Variants in ST6GALNAC3 observed in about 807,000 individuals in gnomAD.
ST6GALNAC3 encodes ST6 N-acetylgalactosaminide alpha-2,6-sialyltransferase 3, also known as alpha-N-acetylgalactosaminide alpha-2,6-sialyltransferase 3.
ST6GALNAC3 carries 25 observed loss-of-function variants against 32.7 expected under a neutral mutation model. The ratio of observed to expected loss-of-function variants is 0.76; its 90% CI spans 0.56 to 1.07. ST6GALNAC3 has a LOEUF of 1.07. ST6GALNAC3 is among the 50% of genes least tolerant of loss of function. The pLI, the probability that ST6GALNAC3 is intolerant of heterozygous loss-of-function variation, is 0.00. For missense variants in ST6GALNAC3, 355 were observed against 382.4 expected, an observed-to-expected ratio of 0.93 and a Z score of 0.60; for synonymous variants, 129 against 133.1, an observed-to-expected ratio of 0.97 and a Z score of 0.21.
intron 1 of ST6GALNAC3, among the ~76,000 whole-genome samples, chr1:76,209,355 T>A (rs1171901568): frequency 6.6e-6 from 1 of 152,178 alleles, no homozygotes; most frequent in African/African-American, 2.4e-5. Flanking sequence ...TATCAGAGCA[T>A]CTCATATGGT....
chr1:76,112,442 G>A (rs1241711486), intron 1 of ST6GALNAC3, among the ~76,000 whole-genome samples: 56 of 146,688 alleles, frequency 3.8e-4, no homozygotes, highest in African/African-American at 1.3e-3. Context: ...CCTCCCTTCC[G>A]GACGGGGCGG....
chr1:76,148,115 T>C (rs955676409), intron 1 of ST6GALNAC3, among the ~76,000 whole-genome samples: 1 of 152,306 alleles, frequency 6.6e-6, no homozygotes, highest in Admixed American at 6.5e-5. Context: ...AACCCAACAT[T>C]GTGCTTCCAG....
chr1:76,115,714 A>G (rs1031774764), intron 1 of ST6GALNAC3, among the ~76,000 whole-genome samples: 4 of 152,070 alleles, frequency 2.6e-5, no homozygotes, highest in Non-Finnish European at 5.9e-5. Flanking sequence ...AGCATCCCTT[A>G]TGCCTTCAGG....
intron 1 of ST6GALNAC3, among the ~76,000 whole-genome samples, chr1:76,081,757 C>T (rs1646899487): frequency 6.6e-6 from 1 of 152,094 alleles, no homozygotes; most frequent in African/African-American, 2.4e-5. Context: ...GCTTCAGGGC[C>T]CTTCCAAGGT....
chr1:76,589,824 C>T (rs1298190294), intron 3 of ST6GALNAC3, among the ~76,000 whole-genome samples: 1 of 151,838 alleles, frequency 6.6e-6, no homozygotes, highest in African/African-American at 2.4e-5. Flanking sequence ...AGCAATTCTT[C>T]CTTGATACCC....
At chr1:76,591,469 G>A (rs1438214112) in intron 3 of ST6GALNAC3, among the ~76,000 whole-genome samples, 2 of 152,098 alleles carry the variant, frequency 1.3e-5, no homozygotes, top group Admixed American at 6.6e-5. Flanking sequence ...CAGGGCAAGT[G>A]TGTATGATGC....
At chr1:76,212,953 G>A (rs138232173) in intron 1 of ST6GALNAC3, among the ~76,000 whole-genome samples, 1 of 152,204 alleles carries the variant, frequency 6.6e-6, no homozygotes, top group Admixed American at 6.5e-5. Flanking sequence ...GACCCGTTCT[G>A]TGCTGGAAAC....
intron 1 of ST6GALNAC3, among the ~76,000 whole-genome samples, chr1:76,272,199 G>C (rs1055771187): frequency 6.6e-6 from 1 of 151,588 alleles, no homozygotes; most frequent in East Asian, 1.9e-4. Context: ...GGTGGTGGGC[G>C]CCTGTAGTCC....
At chr1:76,626,556 A>G (rs950854703) in intron 3 of ST6GALNAC3, among the ~76,000 whole-genome samples, 4 of 151,858 alleles carry the variant, frequency 2.6e-5, no homozygotes, top group African/African-American at 4.8e-5. Context: ...TGCATTTCCC[A>G]GCTCTTCTTT....
At chr1:76,156,898 A>AT (rs1473670300) in intron 1 of ST6GALNAC3, among the ~76,000 whole-genome samples, 1 of 152,076 alleles carries the variant, frequency 6.6e-6, no homozygotes, top group African/African-American at 2.4e-5. Context: ...CGCCCGGCTA[A>AT]TTTTTTGTCT....
chr1:76,178,599 G>A (rs1345371695), intron 1 of ST6GALNAC3, among the ~76,000 whole-genome samples: 2 of 152,148 alleles, frequency 1.3e-5, no homozygotes, highest in African/African-American at 4.8e-5. Flanking sequence ...GTACAGCCGG[G>A]TATGAAAACT....
intron 3 of ST6GALNAC3, among the ~76,000 whole-genome samples, chr1:76,600,630 T>C (rs1013569932): frequency 1.3e-5 from 2 of 152,238 alleles, no homozygotes; most frequent in African/African-American, 4.8e-5. Flanking sequence ...GTTATGTCAC[T>C]GTGCTGAGAG....
At chr1:76,121,575 G>A (rs544427265) in intron 1 of ST6GALNAC3, among the ~76,000 whole-genome samples, 1 of 152,248 alleles carries the variant, frequency 6.6e-6, no homozygotes, top group South Asian at 2.1e-4. Context: ...AATTAGCTGG[G>A]CATGGTGATG....
chr1:76,318,041 T>C (rs1178930036), intron 2 of ST6GALNAC3, among the ~76,000 whole-genome samples: 1 of 152,164 alleles, frequency 6.6e-6, no homozygotes, highest in African/African-American at 2.4e-5. Context: ...GTTTAAGCTC[T>C]GCTTCATTTT....
intron 2 of ST6GALNAC3, among the ~76,000 whole-genome samples, chr1:76,397,432 C>T (rs934978208): frequency 1.5e-4 from 21 of 139,024 alleles, no homozygotes; most frequent in Admixed American, 1.4e-3. Context: ...AGTGCAATGG[C>T]GATCTCAGCC....
intron 1 of ST6GALNAC3, among the ~76,000 whole-genome samples, chr1:76,132,732 C>T (rs1488187212): frequency 1.3e-5 from 2 of 152,162 alleles, no homozygotes; most frequent in African/African-American, 4.8e-5. Context: ...TGCGTCTCCA[C>T]CACCTCGCTC....
intron 1 of ST6GALNAC3, among the ~76,000 whole-genome samples, chr1:76,273,258 A>G (rs1012756014): frequency 6.6e-6 from 1 of 152,174 alleles, no homozygotes; most frequent in African/African-American, 2.4e-5. Context: ...CTCTAAGGAA[A>G]TTTAACCAAT....
At chr1:76,558,498 C>G (rs1028633660) in intron 3 of ST6GALNAC3, among the ~76,000 whole-genome samples, 3 of 152,142 alleles carry the variant, frequency 2.0e-5, no homozygotes, top group Non-Finnish European at 4.4e-5. Context: ...AACAGAAAAT[C>G]AAATGCCACA....
intron 2 of ST6GALNAC3, among the ~76,000 whole-genome samples, chr1:76,361,433 T>G (rs1437678048): frequency 2.0e-5 from 3 of 152,202 alleles, no homozygotes; most frequent in Non-Finnish European, 2.9e-5. Context: ...CATATAATAT[T>G]CCATTTTACA....
Sources: allele counts gnomAD v4.1 joint callset (sites outside exome capture counted in the v4.1 genomes callset), GRCh38; gene constraint gnomAD v4.1.1; transcripts MANE v1.5; gene names NCBI Gene and HGNC (gene_info 2026-07-23, HGNC 2026-07-21).